AGO2: variants seen among roughly 807,000 people sequenced by gnomAD.
AGO2 encodes the protein argonaute RISC catalytic component 2.
Under a neutral mutation model 102.3 loss-of-function variants are expected in AGO2, and 5 were observed. That is an observed-to-expected ratio of 0.05 (90% CI 0.03 to 0.10). AGO2 has a LOEUF of 0.10. Among genes scored for constraint, AGO2 ranks in the 10% least tolerant of loss-of-function variants. The pLI, the probability that AGO2 is intolerant of heterozygous loss-of-function variation, is 1.00. For missense variants in AGO2, 541 were observed against 1,183.7 expected, an observed-to-expected ratio of 0.46 and a Z score of 7.97; for synonymous variants, 449 against 473.1, an observed-to-expected ratio of 0.95 and a Z score of 0.66.
At chr8:140,595,169 T>A (rs748756543) in intron 1 of AGO2, among the ~76,000 whole-genome samples, 4 of 152,100 alleles carry the variant, frequency 2.6e-5, no homozygotes, top group Non-Finnish European at 4.4e-5. Context: ...GACTGAAAGG[T>A]CCATCAGGAG....
intron 6 of AGO2, among the ~76,000 whole-genome samples, chr8:140,558,982 A>C (rs1371637025): frequency 1.3e-5 from 2 of 150,244 alleles, no homozygotes; most frequent in Non-Finnish European, 3.0e-5. Flanking sequence ...TAAGTCCTAG[A>C]CCCCCCCCAA....
chr8:140,626,046 G>A (rs966010754), intron 1 of AGO2, among the ~76,000 whole-genome samples: 2 of 152,338 alleles, frequency 1.3e-5, no homozygotes, highest in African/African-American at 2.4e-5. Context: ...AGGGCCACTC[G>A]AGCCACCACG....
chr8:140,628,122 G>C (rs2074298070), intron 1 of AGO2, among the ~76,000 whole-genome samples: 1 of 152,260 alleles, frequency 6.6e-6, no homozygotes, highest in Non-Finnish European at 1.5e-5. Flanking sequence ...CTTCAGGGCA[G>C]AGACCGGAAG....
At chr8:140,626,055 C>T (rs976614307) in intron 1 of AGO2, among the ~76,000 whole-genome samples, 6 of 152,238 alleles carry the variant, frequency 3.9e-5, no homozygotes, top group Non-Finnish European at 7.3e-5. Flanking sequence ...CGAGCCACCA[C>T]GGCAAAGCCA....
At chr8:140,595,995 A>C (rs1434842934) in intron 1 of AGO2, among the ~76,000 whole-genome samples, 5 of 130,256 alleles carry the variant, frequency 3.8e-5, no homozygotes, top group African/African-American at 5.8e-5. Context: ...TATATATATT[A>C]TATATATATA....
intron 3 of AGO2, among the ~76,000 whole-genome samples, chr8:140,564,943 G>A (rs1036263771): frequency 1.4e-4 from 22 of 151,868 alleles, no homozygotes; most frequent in Non-Finnish European, 2.2e-4. Flanking sequence ...AGACCACCCC[G>A]GCCCATAGTG....
intron 1 of AGO2, among the ~76,000 whole-genome samples, chr8:140,611,403 CT>C (rs1238884840): frequency 6.6e-6 from 1 of 152,008 alleles, no homozygotes; most frequent in Admixed American, 6.6e-5. Context: ...TCTCAATTCA[CT>C]GCAACCTCTG....
intron 12 of AGO2, 78 bp from the exon 13 acceptor site, chr8:140,547,705 G>A: frequency 2.0e-6 from 3 of 1,530,012 alleles, no homozygotes; most frequent in Non-Finnish European, 2.6e-6. Flanking sequence ...GCTGCCACCA[G>A]CCCTCTTGCC....
intron 1 of AGO2, among the ~76,000 whole-genome samples, chr8:140,632,544 G>C (rs1210690088): frequency 1.3e-5 from 2 of 152,256 alleles, no homozygotes; most frequent in African/African-American, 2.4e-5. Flanking sequence ...TCTGCGAGGG[G>C]TGTAACACAC....
intron 8 of AGO2, 139 bp from the exon 9 acceptor site, chr8:140,556,425 G>T: frequency 8.9e-7 from 1 of 1,118,616 alleles, no homozygotes; most frequent in Non-Finnish European, 1.3e-6. Flanking sequence ...GTGCTGTGCA[G>T]GTGTCTGCTG....
At chr8:140,558,645 A>T in intron 6 of AGO2, 73 bp from the exon 7 acceptor site, 2 of 1,503,354 alleles carry the variant, frequency 1.3e-6, no homozygotes, top group Non-Finnish European at 1.8e-6. Context: ...TGCGAGAATC[A>T]GTTTTCATAG....
chr8:140,578,515 C>T (rs571975146), intron 2 of AGO2, among the ~76,000 whole-genome samples: 3 of 152,334 alleles, frequency 2.0e-5, no homozygotes, highest in East Asian at 1.9e-4. Context: ...TCCTTCGTTT[C>T]GAGCCGGCGC....
intron 2 of AGO2, among the ~76,000 whole-genome samples, chr8:140,577,079 G>C (rs566525968): frequency 6.6e-6 from 1 of 151,966 alleles, no homozygotes; most frequent in East Asian, 1.9e-4. Context: ...GTGGTGGCGG[G>C]CACCTGTAGT....
At chr8:140,594,798 GA>G (rs1156340821) in intron 1 of AGO2, among the ~76,000 whole-genome samples, 1 of 135,088 alleles carries the variant, frequency 7.4e-6, no homozygotes, top group Non-Finnish European at 1.7e-5. Context: ...GACACAGTGA[GA>G]ACCCGTCTCG....
chr8:140,610,384 ATTGT>A (rs1274449373), intron 1 of AGO2, among the ~76,000 whole-genome samples: 2 of 151,994 alleles, frequency 1.3e-5, no homozygotes, highest in East Asian at 3.9e-4. Flanking sequence ...TGCCCAGCTA[ATTGT>A]TTGTATTTTC....
chr8:140,629,731 C>T (rs1412363132), intron 1 of AGO2, among the ~76,000 whole-genome samples: 1 of 151,576 alleles, frequency 6.6e-6, no homozygotes, highest in Non-Finnish European at 1.5e-5. Context: ...GGAGGCTGCC[C>T]AAAAGGGCTG....
chr8:140,539,445 G>A lies in AGO2; in HGVS notation c.2044C>T (p.His682Tyr). ...SEGQFQQVLHHELLAIREACI... is the reference protein window; with the variant it reads ...SEGQFQQVLHYELLAIREACI... ...GCCTCACGGATGGCCAGCAACTCGT[G>A]GTGGAGAACCTAGGGGTACGGGAGG... Residue 682 changes from histidine (H) to tyrosine (Y), a missense_variant, in exon 16 of 19, where the codon CAC (histidine) becomes TAC (tyrosine). Coordinates refer to ENST00000220592, the MANE Select transcript of AGO2 (RefSeq NM_012154.5). The surrounding 1 kb of genome is among the most constrained non-coding windows in gnomAD (Gnocchi z 4.7). 2 of 1,613,134 alleles carry A rather than the reference G, an allele frequency of 1.2e-6. No homozygotes were observed. The highest frequency in any genetic ancestry group is 8.5e-7 in the Non-Finnish European group (1 of 1,179,448).
intron 1 of AGO2, among the ~76,000 whole-genome samples, chr8:140,599,791 G>A (rs752229309): frequency 4.6e-5 from 7 of 152,040 alleles, no homozygotes; most frequent in East Asian, 1.9e-4. Flanking sequence ...GCGCAATCTC[G>A]GCTCACTGCA....
Position 140,526,141 on chromosome 8 carries a change from A to G in AGO2, c.*5903T>C, listed in dbSNP as rs563514763. 2.6e-5 allele frequency: 4 copies of G among 152,340 alleles called. No individual in the cohort carries two copies. Among genetic ancestry groups the G allele is most frequent in the African/African-American group, 9.6e-5 (4 of 41,580 alleles). The allele number at this position is 152,340 out of a possible 1,614,324, so 9.4% of individuals were successfully genotyped here. On this transcript the variant is annotated 3_prime_UTR_variant, in exon 19 of 19. Coordinates refer to ENST00000220592, the MANE Select transcript of AGO2 (RefSeq NM_012154.5). The surrounding 1 kb of genome is among the most constrained non-coding windows in gnomAD (Gnocchi z 5.2). ...GAAACCATGCAACTATTTTAAATGT[A>G]TTATTTGCATGACAGTCGGTGTTGA...
Sources: gnomAD v4.1 joint callset for allele counts (sites outside exome capture counted in the v4.1 genomes callset) on GRCh38, gnomAD v4.1.1 for gene constraint, Gnocchi (gnomAD v3.1) non-coding constraint, MANE v1.5 for transcripts, NCBI Gene and HGNC (gene_info 2026-07-23, HGNC 2026-07-21) for gene names.